The following FAM227B variants were observed in gnomAD, a reference collection of about 807,000 sequenced individuals.
FAM227B encodes the protein protein FAM227B.
FAM227B carries 88 observed loss-of-function variants against 73.8 expected under a neutral mutation model. That is an observed-to-expected ratio of 1.19 (90% CI 1.00 to 1.42). The LOEUF (loss-of-function observed/expected upper bound fraction) is 1.42. Among genes scored for constraint, FAM227B ranks in the 40% most tolerant of loss-of-function variants. The pLI is 0.00. For synonymous variants in FAM227B, 210 were observed against 190.5 expected (o/e 1.10, Z -0.84); for missense variants, 632 against 590.9 (o/e 1.07, Z -0.72).
intron 5 of FAM227B, 38 bp downstream of exon 5, chr15:49,587,978 T>C (rs1251985408): frequency 2.2e-6 from 3 of 1,388,334 alleles, no homozygotes; most frequent in Middle Eastern, 1.9e-4. Flanking sequence ...TCTGTGAAAA[T>C]CCAACTTTCA....
chr15:49,330,391 A>G (rs1380138719), intron 15 of FAM227B: 1 of 152,218 alleles, frequency 6.6e-6, no homozygotes, highest in African/African-American at 2.4e-5. Flanking sequence ...CAGAATGACT[A>G]AAAACTTGGG....
Position 49,367,466 on chromosome 15 carries a change from G to A in FAM227B, c.1253C>T (p.Thr418Ile). 6.3e-7 allele frequency: 1 copy of A among 1,588,996 alleles called. No homozygotes were observed. Among genetic ancestry groups the A allele is most frequent in the South Asian group, 1.2e-5 (1 of 85,698 alleles). ...KAPKKTKIKL[T>I]KIFQEPLPAP... ...AGGATATGGTTCCTGGAATATCTTA[G>A]TGAGTTTAATCTTGGTTTTCTTAGG... The change falls in exon 13 of 16, where the codon ACT (threonine) becomes ATT (isoleucine). Residue 418 changes from threonine (T) to isoleucine (I), a missense_variant. Thr to Ile is a moderately conservative substitution (Grantham distance 89, BLOSUM62 -1). Coordinates refer to ENST00000299338, the MANE Select transcript of FAM227B (RefSeq NM_152647.3).
chr15:49,606,734 C>A (rs1168739138), intron 3 of FAM227B, among the ~76,000 whole-genome samples: 1 of 152,178 alleles, frequency 6.6e-6, no homozygotes, highest in Non-Finnish European at 1.5e-5. Context: ...CCAAGCAAAC[C>A]CTTCTTTCTC....
intron 11 of FAM227B, among the ~76,000 whole-genome samples, chr15:49,389,863 A>G (rs2047100569): frequency 6.6e-6 from 1 of 152,056 alleles, no homozygotes; most frequent in East Asian, 1.9e-4. Flanking sequence ...TGGTAGAACC[A>G]TTTTTACCAG....
chr15:49,366,507 T>C, intron 13 of FAM227B: 4 of 1,321,526 alleles, frequency 3.0e-6, no homozygotes, highest in Admixed American at 1.7e-5. Context: ...CTAATGGAAG[T>C]TGCATTTTCT....
intron 10 of FAM227B, among the ~76,000 whole-genome samples, chr15:49,528,896 C>T (rs953981413): frequency 1.3e-5 from 2 of 151,508 alleles, no homozygotes; most frequent in Non-Finnish European, 1.5e-5. Flanking sequence ...TACAGTAACT[C>T]CTATGGGAAA....
At chr15:49,525,654 A>C in intron 10 of FAM227B, among the ~76,000 whole-genome samples, 1 of 126,920 alleles carries the variant, frequency 7.9e-6, no homozygotes, top group South Asian at 2.8e-4. Context: ...CTCAAAGTTA[A>C]AGGGTGGAGA....
intron 11 of FAM227B, among the ~76,000 whole-genome samples, chr15:49,411,830 G>T (rs538104400): frequency 6.6e-6 from 1 of 151,648 alleles, no homozygotes; most frequent in Non-Finnish European, 1.5e-5. Context: ...TTTTTGCTTC[G>T]CAGACATTTC....
At chr15:49,366,397 A>G in intron 13 of FAM227B, 2 of 809,448 alleles carry the variant, frequency 2.5e-6, no homozygotes, top group Non-Finnish European at 2.2e-6. Flanking sequence ...TTTCAAGAAA[A>G]TGGCAGCTGC....
At chr15:49,462,880 C>T (rs1800598196) in intron 11 of FAM227B, among the ~76,000 whole-genome samples, 2 of 152,110 alleles carry the variant, frequency 1.3e-5, no homozygotes, top group Admixed American at 1.3e-4. Flanking sequence ...TAAATAAATA[C>T]ATTTTATTCT....
In FAM227B at chr15:49,335,509, T is replaced by C; in HGVS notation, c.1272-13A>G. 2.5e-6 allele frequency: 4 copies of C among 1,599,016 alleles called. No homozygotes were observed. The highest frequency in any genetic ancestry group is 1.1e-5 in the South Asian group (1 of 90,358). ...TGGAGCAGGTAGTGTGCTAGGCTTA[T>C]TATTAAGGAATGATTTTCAATTAGG... On this transcript the variant is annotated splice_polypyrimidine_tract_variant and intron_variant, in intron 13 of 15. Transcript: ENST00000299338.
At chr15:49,428,867 T>C (rs780906981) in intron 11 of FAM227B, among the ~76,000 whole-genome samples, 25 of 152,036 alleles carry the variant, frequency 1.6e-4, no homozygotes, top group Non-Finnish European at 3.4e-4. Context: ...GGCAATATTC[T>C]CTTTTGGACT....
chr15:49,595,286 C>T (rs952433059), intron 3 of FAM227B, among the ~76,000 whole-genome samples: 2 of 152,018 alleles, frequency 1.3e-5, no homozygotes, highest in African/African-American at 2.4e-5. Flanking sequence ...GATTTGTATA[C>T]ACTGATATTG....
intron 11 of FAM227B, among the ~76,000 whole-genome samples, chr15:49,419,636 G>C (rs926084686): frequency 4.6e-5 from 7 of 152,038 alleles, no homozygotes; most frequent in Non-Finnish European, 7.4e-5. Flanking sequence ...CTGGAATACA[G>C]ATCATATGCC....
chr15:49,533,843 T>C (rs78178854), intron 10 of FAM227B, among the ~76,000 whole-genome samples: 3 of 152,018 alleles, frequency 2.0e-5, no homozygotes, highest in East Asian at 3.9e-4. Context: ...ATCTTTTGAT[T>C]GGAGATTGTA....
chr15:49,605,476 C>G (rs2077456210), intron 3 of FAM227B, among the ~76,000 whole-genome samples: 3 of 152,224 alleles, frequency 2.0e-5, no homozygotes, highest in African/African-American at 7.2e-5. Flanking sequence ...GGACTGAAGC[C>G]TGGGTCCACA....
chr15:49,567,954 G>GA (rs976973837), intron 9 of FAM227B, among the ~76,000 whole-genome samples: 20 of 148,686 alleles, frequency 1.3e-4, no homozygotes, highest in South Asian at 4.2e-4. Flanking sequence ...TAGGTAAACA[G>GA]AAAAAAAAAC....
At chr15:49,397,387 G>A (rs889707122) in intron 11 of FAM227B, among the ~76,000 whole-genome samples, 6 of 152,144 alleles carry the variant, frequency 3.9e-5, no homozygotes, top group African/African-American at 1.4e-4. Flanking sequence ...GTACCTGAAA[G>A]TGATGGGGAG....
At chr15:49,572,844 C>T (rs1033036763) in intron 8 of FAM227B, among the ~76,000 whole-genome samples, 3 of 152,194 alleles carry the variant, frequency 2.0e-5, no homozygotes, top group Admixed American at 2.0e-4. Flanking sequence ...CTTCAATTTG[C>T]TCTTGTGCTA....
Sources: gnomAD v4.1 joint callset for allele counts (sites outside exome capture counted in the v4.1 genomes callset) on GRCh38, gnomAD v4.1.1 for gene constraint, MANE v1.5 for transcripts, NCBI Gene and HGNC (gene_info 2026-07-23, HGNC 2026-07-21) for gene names.